Variants in CLIP2 observed in about 807,000 individuals in gnomAD.
The protein encoded by CLIP2 is CAP-Gly domain containing linker protein 2, also known as CAP-Gly domain-containing linker protein 2.
In CLIP2, 41 loss-of-function variants were observed where a neutral mutation model predicts 111.7. That is an observed-to-expected ratio of 0.37 (90% CI 0.29 to 0.48). The LOEUF (loss-of-function observed/expected upper bound fraction) is 0.48, where lower values mean the gene tolerates loss of function less well. CLIP2 is among the 20% of genes least tolerant of loss of function. CLIP2 has a pLI of 0.99. For missense variants in CLIP2, 1,160 were observed against 1,422.1 expected, an observed-to-expected ratio of 0.82 and a Z score of 2.96; for synonymous variants, 660 against 644.2, an observed-to-expected ratio of 1.02 and a Z score of -0.37.
At chr7:74,339,087 T>G in intron 3 of CLIP2, 83 bp downstream of exon 3, 1 of 1,379,882 alleles carries the variant, frequency 7.2e-7, no homozygotes, top group Non-Finnish European at 9.8e-7. Flanking sequence ...TGGACCCCCC[T>G]GGGCTGGGCA....
intron 13 of CLIP2, among the ~76,000 whole-genome samples, chr7:74,393,029 AT>A (rs782120766): frequency 7.9e-6 from 1 of 126,142 alleles, no homozygotes; most frequent in Non-Finnish European, 1.7e-5. Flanking sequence ...CCCTGTAAGC[AT>A]TTGCTTTTTT....
chr7:74,356,027 G>GT (rs1562706736), intron 4 of CLIP2, among the ~76,000 whole-genome samples: 1 of 152,182 alleles, frequency 6.6e-6, no homozygotes, highest in African/African-American at 2.4e-5. Context: ...GTAACCAGCT[G>GT]TGTGACTGTG....
intron 1 of CLIP2, among the ~76,000 whole-genome samples, chr7:74,307,914 T>C (rs1429187939): frequency 6.6e-6 from 1 of 152,088 alleles, no homozygotes; most frequent in Non-Finnish European, 1.5e-5. Context: ...GCTGTAGGTG[T>C]GTTGTCGTGG....
At chr7:74,394,439 A>G (rs797044065) in intron 13 of CLIP2, among the ~76,000 whole-genome samples, 7 of 151,774 alleles carry the variant, frequency 4.6e-5, no homozygotes, top group African/African-American at 1.2e-4. Flanking sequence ...TAGTATAGAT[A>G]GGGTTTCTCC....
intron 2 of CLIP2, among the ~76,000 whole-genome samples, chr7:74,337,474 C>G (rs932002435): frequency 9.2e-5 from 14 of 151,916 alleles, no homozygotes; most frequent in Admixed American, 8.6e-4. Flanking sequence ...CAGGGGGTCT[C>G]GGGTCAACAG....
In CLIP2 at chr7:74,325,309, C is replaced by T. The variant is rs554281896; in HGVS notation, c.121+7642C>T. On this transcript the variant is annotated intron_variant, in intron 2 of 16. Coordinates refer to ENST00000223398, the MANE Select transcript of CLIP2 (RefSeq NM_003388.5). ...GGGAGAGGTGGTCAGAGCAGGTGGG[C>T]AGGAGGGCGGTTTGGGATCCACCTG... is the stretch of plus-strand genomic sequence containing the variant. 2.9e-4 allele frequency among the ~76,000 whole-genome samples: 44 copies of T among 152,184 alleles called. 1 individual carries two copies. The South Asian group carries it at 8.9e-3, about 31-fold the overall frequency.
At chr7:74,365,730 G>A (rs1225148184) in intron 8 of CLIP2, among the ~76,000 whole-genome samples, 1 of 152,100 alleles carries the variant, frequency 6.6e-6, no homozygotes, top group Non-Finnish European at 1.5e-5. Context: ...AATGACCAAA[G>A]TCCCACTCAT....
intron 16 of CLIP2, 101 bp from the exon 17 acceptor site, chr7:74,403,736 C>A: frequency 8.2e-7 from 1 of 1,217,716 alleles, no homozygotes; most frequent in Non-Finnish European, 1.2e-6. Flanking sequence ...ATGCTCCTCC[C>A]CCACCCGGCC....
chr7:74,290,386 T>A (rs1273217880), intron 1 of CLIP2, among the ~76,000 whole-genome samples: 4 of 152,042 alleles, frequency 2.6e-5, no homozygotes, highest in African/African-American at 9.7e-5. Context: ...AGGCAGCAGA[T>A]TTTCTGCCCT....
intron 1 of CLIP2, among the ~76,000 whole-genome samples, chr7:74,306,978 G>T (rs906783254): frequency 6.6e-6 from 1 of 152,182 alleles, no homozygotes; most frequent in Non-Finnish European, 1.5e-5. Context: ...TTATCATCAA[G>T]TCCCAGCGTT....
chr7:74,398,788 T>A (rs1791533535), intron 14 of CLIP2, among the ~76,000 whole-genome samples: 1 of 152,128 alleles, frequency 6.6e-6, no homozygotes, highest in African/African-American at 2.4e-5. Flanking sequence ...GGCTGCACCC[T>A]CTGTGGTCCC....
chr7:74,364,157 C>G lies in CLIP2; in HGVS notation c.1320-98C>G, dbSNP rs73360581. 5.6e-3 allele frequency: 6,083 copies of G among 1,092,068 alleles called. 272 individuals are homozygous for G. The African/African-American group carries it at 0.086, about 15-fold the overall frequency. 67.6% of individuals were successfully genotyped at this position (1,092,068 alleles called of 1,614,324 possible). A position where few individuals can be genotyped will look rare whatever the true frequency, so the allele number is the denominator to read the frequency against. On this transcript the variant is annotated intron_variant, in intron 7 of 16. Coordinates refer to ENST00000223398, the MANE Select transcript of CLIP2 (RefSeq NM_003388.5). ...GATGGCCTCGCCTCTGGATTCTGGG[C>G]CATTCTCATGGCCTTGCCTCTCTCT... is the stretch of plus-strand genomic sequence containing the variant.
chr7:74,349,764 C>G (rs1554307158), intron 3 of CLIP2, among the ~76,000 whole-genome samples: 29 of 151,280 alleles, frequency 1.9e-4, no homozygotes, highest in Non-Finnish European at 2.9e-5. Context: ...CAGGCGTGCA[C>G]CACCACGCCC....
At chr7:74,300,356 G>C (rs1554726651) in intron 1 of CLIP2, among the ~76,000 whole-genome samples, 1 of 151,858 alleles carries the variant, frequency 6.6e-6, no homozygotes, top group Non-Finnish European at 1.5e-5. Context: ...CCACTGTTTA[G>C]CTCCCACTTA....
intron 1 of CLIP2, 96 bp from the exon 2 acceptor site, chr7:74,317,384 G>A (rs1788811183): frequency 1.2e-6 from 1 of 845,998 alleles, no homozygotes; most frequent in Non-Finnish European, 1.6e-6. Flanking sequence ...GCCTCGTCCA[G>A]CCCACCTCAG....
chr7:74,362,372 T>G (rs1554309933), intron 7 of CLIP2, among the ~76,000 whole-genome samples: 1 of 152,134 alleles, frequency 6.6e-6, no homozygotes. Context: ...GGCTTTCAGC[T>G]GGCACCTGCG....
chr7:74,297,518 GC>G (rs569190939), intron 1 of CLIP2, among the ~76,000 whole-genome samples: 6 of 151,866 alleles, frequency 4.0e-5, no homozygotes, highest in Non-Finnish European at 8.8e-5. Flanking sequence ...CAAAAGCAGG[GC>G]CCCCCCTTTG....
chr7:74,354,014 G>A lies in CLIP2; in HGVS notation c.803+10G>A, dbSNP rs1790082385. ...CGGTGGCGGGCACCAGGTATGGTGG[G>A]CTTCTTCTGGGGAGTATGGGAGGGG... On this transcript the variant is annotated intron_variant, in intron 4 of 16. Transcript: ENST00000223398. 2 of 1,606,934 alleles carry A rather than the reference G, an allele frequency of 1.2e-6. No individual in the cohort carries two copies. The highest frequency in any genetic ancestry group is 1.1e-5 in the South Asian group (1 of 90,004).
At chr7:74,400,935 C>G (rs555185440) in intron 15 of CLIP2, among the ~76,000 whole-genome samples, 19 of 150,044 alleles carry the variant, frequency 1.3e-4, no homozygotes, top group African/African-American at 4.7e-4. Context: ...GGAGGTAGCT[C>G]TGTCCCGGGA....
Sources: allele counts gnomAD v4.1 joint callset (sites outside exome capture counted in the v4.1 genomes callset), GRCh38; gene constraint gnomAD v4.1.1; transcripts MANE v1.5; gene names NCBI Gene and HGNC (gene_info 2026-07-23, HGNC 2026-07-21).